The following IGSF11 variants were observed in gnomAD, a reference collection of about 807,000 sequenced individuals.
IGSF11 encodes immunoglobulin superfamily member 11, also known as CXADR like 1.
In IGSF11, 22 loss-of-function variants were observed where a neutral mutation model predicts 41.0. The ratio of observed to expected loss-of-function variants is 0.54; its 90% confidence interval spans 0.38 to 0.77. IGSF11 has a LOEUF of 0.77. Among genes scored for constraint, IGSF11 ranks in the 30% least tolerant of loss-of-function variants. The probability of loss-of-function intolerance (pLI) is 0.00; values close to 1 mark genes in which losing one functional copy is unlikely to be tolerated. For missense variants in IGSF11, 444 were observed against 530.8 expected, an observed-to-expected ratio of 0.84 and a Z score of 1.61; for synonymous variants, 219 against 201.3, an observed-to-expected ratio of 1.09 and a Z score of -0.74.
At chr3:119,045,783 G>C (rs1027958567) in intron 1 of IGSF11, among the ~76,000 whole-genome samples, 1 of 151,778 alleles carries the variant, frequency 6.6e-6, no homozygotes. Context: ...CTCCCAGCAC[G>C]CAGCTGGAGA....
intron 1 of IGSF11, among the ~76,000 whole-genome samples, chr3:119,081,789 C>T (rs893227364): frequency 4.2e-4 from 64 of 152,194 alleles, no homozygotes; most frequent in African/African-American, 1.5e-3. Flanking sequence ...TTATTCCTTA[C>T]ATGGGTATTT....
chr3:119,071,568 T>C (rs978278685), intron 1 of IGSF11, among the ~76,000 whole-genome samples: 1 of 152,248 alleles, frequency 6.6e-6, no homozygotes, highest in East Asian at 1.9e-4. Flanking sequence ...AAGCACCATT[T>C]GTTGAAAAGA....
chr3:119,139,005 A>G (rs988845033), intron 1 of IGSF11, among the ~76,000 whole-genome samples: 1 of 152,198 alleles, frequency 6.6e-6, no homozygotes, highest in Non-Finnish European at 1.5e-5. Flanking sequence ...ATTTTACAAT[A>G]ACTAAAAAAG....
intron 1 of IGSF11, among the ~76,000 whole-genome samples, chr3:119,077,866 G>A (rs1385086625): frequency 3.9e-5 from 6 of 152,116 alleles, no homozygotes; most frequent in Admixed American, 2.6e-4. Flanking sequence ...AAAATCAGTA[G>A]CATTTCTATA....
chr3:118,905,798 A>G, intron 4 of IGSF11, 80 bp from the exon 5 acceptor site: 2 of 1,485,228 alleles, frequency 1.3e-6, no homozygotes, highest in Non-Finnish European at 1.9e-6. Context: ...GACCATAAAA[A>G]CAGACGAACA....
chr3:119,121,191 T>A (rs200433584), intron 1 of IGSF11, among the ~76,000 whole-genome samples: 1 of 152,050 alleles, frequency 6.6e-6, no homozygotes, highest in Admixed American at 6.5e-5. Flanking sequence ...CACATGTACA[T>A]TGAAAAAAGC....
chr3:119,083,755 A>C (rs1279443459), intron 1 of IGSF11, among the ~76,000 whole-genome samples: 4 of 152,256 alleles, frequency 2.6e-5, no homozygotes, highest in Non-Finnish European at 4.4e-5. Flanking sequence ...AGCACATACA[A>C]TTATGTGCAG....
intron 4 of IGSF11, among the ~76,000 whole-genome samples, chr3:118,916,256 C>A (rs878922988): frequency 2.0e-5 from 3 of 151,666 alleles, no homozygotes; most frequent in African/African-American, 7.3e-5. Context: ...ACACATAACA[C>A]TATTAACTTT....
At chr3:119,102,716 T>C (rs2076956602) in intron 1 of IGSF11, among the ~76,000 whole-genome samples, 1 of 152,188 alleles carries the variant, frequency 6.6e-6, no homozygotes, top group African/African-American at 2.4e-5. Flanking sequence ...TTTTGTGGAT[T>C]CTGTTTCATT....
chr3:119,066,256 A>G (rs1370144419), intron 1 of IGSF11, among the ~76,000 whole-genome samples: 2 of 152,130 alleles, frequency 1.3e-5, no homozygotes, highest in African/African-American at 4.8e-5. Context: ...ACAAGGTAAC[A>G]TTTGTTAGGA....
chr3:119,018,175 T>C (rs1354061734), intron 1 of IGSF11, among the ~76,000 whole-genome samples: 1 of 152,160 alleles, frequency 6.6e-6, no homozygotes, highest in Non-Finnish European at 1.5e-5. Context: ...TATTACTCAA[T>C]AGGCACACCA....
chr3:118,993,491 AT>A (rs1433113547), intron 1 of IGSF11, among the ~76,000 whole-genome samples: 1 of 152,200 alleles, frequency 6.6e-6, no homozygotes, highest in Non-Finnish European at 1.5e-5. Flanking sequence ...TTACTAAGCA[AT>A]TCCACCTTTA....
chr3:119,050,145 A>G (rs2107431822), intron 1 of IGSF11, among the ~76,000 whole-genome samples: 1 of 151,062 alleles, frequency 6.6e-6, no homozygotes, highest in African/African-American at 2.4e-5. Flanking sequence ...CAAAATTGAC[A>G]AATGGGACCT....
chr3:119,008,912 C>G (rs1207569840), intron 1 of IGSF11, among the ~76,000 whole-genome samples: 1 of 152,200 alleles, frequency 6.6e-6, no homozygotes, highest in East Asian at 1.9e-4. Flanking sequence ...AATTCTCCTG[C>G]CAACTGCAAC....
At chr3:118,966,326 A>T (rs1479629731) in intron 1 of IGSF11, among the ~76,000 whole-genome samples, 1 of 152,172 alleles carries the variant, frequency 6.6e-6, no homozygotes, top group Admixed American at 6.5e-5. Context: ...CAGAAAGCTT[A>T]TATGTTTTCA....
intron 6 of IGSF11, among the ~76,000 whole-genome samples, chr3:118,904,049 G>A (rs1178013401): frequency 6.6e-6 from 1 of 152,182 alleles, no homozygotes; most frequent in East Asian, 1.9e-4. Flanking sequence ...TAAGGCTGTG[G>A]TATGTCTCAC....
At chr3:118,946,725 A>G (rs1169065483) in intron 1 of IGSF11, among the ~76,000 whole-genome samples, 1 of 152,244 alleles carries the variant, frequency 6.6e-6, no homozygotes, top group Admixed American at 6.5e-5. Flanking sequence ...ATGACAAGGT[A>G]AAACAATAAG....
chr3:119,113,110 C>T (rs550570648), intron 1 of IGSF11, among the ~76,000 whole-genome samples: 1 of 152,332 alleles, frequency 6.6e-6, no homozygotes, highest in South Asian at 2.1e-4. Flanking sequence ...TACATCCCAC[C>T]AGGCACCTCC....
intron 1 of IGSF11, among the ~76,000 whole-genome samples, chr3:118,942,501 T>C (rs974490811): frequency 2.6e-5 from 4 of 152,194 alleles, no homozygotes; most frequent in Non-Finnish European, 4.4e-5. Context: ...AGAGACTCTC[T>C]ATGTGAATCT....
Sources: allele counts gnomAD v4.1 joint callset (sites outside exome capture counted in the v4.1 genomes callset), GRCh38; gene constraint gnomAD v4.1.1; transcripts MANE v1.5; gene names NCBI Gene and HGNC (gene_info 2026-07-23, HGNC 2026-07-21).